Variants in NBAS observed in about 807,000 individuals in gnomAD.
NBAS encodes the protein NBAS subunit of NRZ tethering complex.
A neutral mutation model predicts 302.5 loss-of-function variants in NBAS; 219 were observed. The ratio of observed to expected loss-of-function variants is 0.72; its 90% CI spans 0.65 to 0.81. The LOEUF (loss-of-function observed/expected upper bound fraction) is 0.81. NBAS is among the 30% of genes least tolerant of loss of function. The pLI, the probability that NBAS is intolerant of heterozygous loss-of-function variation, is 0.00. For synonymous variants in NBAS, 1,118 were observed against 1,021.6 expected (o/e 1.09, Z -1.80); for missense variants, 2,932 against 2,841.6 (o/e 1.03, Z -0.72).
intron 21 of NBAS, among the ~76,000 whole-genome samples, chr2:15,440,691 G>C (rs146663859): frequency 0.013 from 1,925 of 152,270 alleles, 31 homozygotes; most frequent in East Asian, 0.06. Flanking sequence ...GAAGGCTTCA[G>C]ATGATCCAAC....
At chr2:15,443,345 A>T (rs1248033806) in intron 21 of NBAS, among the ~76,000 whole-genome samples, 3 of 151,738 alleles carry the variant, frequency 2.0e-5, no homozygotes, top group African/African-American at 7.3e-5. Flanking sequence ...AGGCTGGTTC[A>T]ATATACGCAA....
chr2:15,330,534 A>G, intron 36 of NBAS, 64 bp downstream of exon 36: 1 of 1,598,004 alleles, frequency 6.3e-7, no homozygotes, highest in Non-Finnish European at 8.6e-7. Flanking sequence ...AAACAACTGA[A>G]ACATTGCTAA....
intron 21 of NBAS, among the ~76,000 whole-genome samples, chr2:15,444,091 T>C (rs376648231): frequency 2.0e-5 from 3 of 151,724 alleles, no homozygotes; most frequent in Non-Finnish European, 2.9e-5. Context: ...AGGTAATTTA[T>C]AGATTCAATG....
intron 23 of NBAS, among the ~76,000 whole-genome samples, chr2:15,422,540 G>A (rs1363422348): frequency 6.6e-6 from 1 of 151,050 alleles, no homozygotes; most frequent in Non-Finnish European, 1.5e-5. Flanking sequence ...TAACAAAATA[G>A]TTGATTGTAA....
chr2:15,334,434 C>T (rs961848216), intron 35 of NBAS, among the ~76,000 whole-genome samples: 6 of 152,014 alleles, frequency 3.9e-5, no homozygotes, highest in Admixed American at 1.3e-4. Context: ...ATGATCCGCC[C>T]GCCTCGGCCT....
the NBAS span, among the ~76,000 whole-genome samples, chr2:14,814,570 C>A: frequency 6.6e-6 from 1 of 152,174 alleles, no homozygotes; most frequent in Non-Finnish European, 1.5e-5. Context: ...AGAACAGGAG[C>A]ATTTACCTAA....
Position 15,300,827 on chromosome 2 carries a change from G to A in NBAS, c.4797+7389C>T, listed in dbSNP as rs371347093. Reference sequence around the variant, plus strand: ...AGGCCAAGTAAGTTTCAGAGGAGGCGCCTCTGAGCTCAGACTTGCCTGCCC... The same window carrying A: ...AGGCCAAGTAAGTTTCAGAGGAGGCACCTCTGAGCTCAGACTTGCCTGCCC... On this transcript the variant is annotated intron_variant, in intron 40 of 51. Transcript: ENST00000281513. Among the ~76,000 whole-genome samples the A allele has an allele frequency of 5.3e-5, 8 of 152,292 alleles. No homozygotes were observed. In the East Asian group the frequency reaches 9.7e-4, roughly 18 times the overall value.
chr2:15,195,359 C>G (rs1304653653), intron 48 of NBAS, among the ~76,000 whole-genome samples: 3 of 152,280 alleles, frequency 2.0e-5, no homozygotes, highest in East Asian at 1.9e-4. Context: ...AACAAAGTCA[C>G]TCACAAAGGG....
the NBAS span, among the ~76,000 whole-genome samples, chr2:14,805,100 A>G: frequency 6.6e-6 from 1 of 152,202 alleles, no homozygotes; most frequent in Non-Finnish European, 1.5e-5. Context: ...CTGAGTCATT[A>G]TCCGCCACAG....
At chr2:15,309,116 G>A (rs1489150089) in intron 39 of NBAS, 55 bp downstream of exon 39, 13 of 1,414,324 alleles carry the variant, frequency 9.2e-6, no homozygotes, top group Admixed American at 8.6e-5. Flanking sequence ...AAAATTCACA[G>A]CATACATTTT....
At chr2:15,335,832 T>G (rs1020008970) in intron 35 of NBAS, among the ~76,000 whole-genome samples, 12 of 152,220 alleles carry the variant, frequency 7.9e-5, no homozygotes, top group African/African-American at 2.9e-4. Context: ...TAATTTTAAA[T>G]TAGTCCAATT....
At chr2:15,450,335 T>C (rs575060341) in intron 21 of NBAS, among the ~76,000 whole-genome samples, 76 of 152,296 alleles carry the variant, frequency 5.0e-4, no homozygotes, top group Admixed American at 5.0e-3. Context: ...TTGGATTAAA[T>C]ATACATTCAG....
the NBAS span, among the ~76,000 whole-genome samples, chr2:15,074,886 G>A: frequency 7.2e-5 from 11 of 152,288 alleles, no homozygotes; most frequent in African/African-American, 2.4e-4. Context: ...AACTCAGAGT[G>A]AAAAAATCCC....
chr2:15,497,798 G>C (rs1681123792), intron 11 of NBAS, among the ~76,000 whole-genome samples: 1 of 152,132 alleles, frequency 6.6e-6, no homozygotes, highest in African/African-American at 2.4e-5. Flanking sequence ...GCATCCCAAA[G>C]CCACAGAGCA....
chr2:14,804,718 C>A, the NBAS span, among the ~76,000 whole-genome samples: 1 of 152,028 alleles, frequency 6.6e-6, no homozygotes. Context: ...CAGGCTCTAA[C>A]AGAGATTTTC....
chr2:14,904,059 T>G, the NBAS span, among the ~76,000 whole-genome samples: 1 of 152,252 alleles, frequency 6.6e-6, no homozygotes, highest in African/African-American at 2.4e-5. Context: ...TCTCATTTTG[T>G]GTTTTCACAT....
At chr2:14,835,434 G>C in the NBAS span, among the ~76,000 whole-genome samples, 1 of 151,896 alleles carries the variant, frequency 6.6e-6, no homozygotes, top group Admixed American at 6.6e-5. Flanking sequence ...AGCATTCCCA[G>C]ATAGTCACCT....
At chr2:15,489,431 T>G (rs772642801) in intron 11 of NBAS, among the ~76,000 whole-genome samples, 1 of 152,110 alleles carries the variant, frequency 6.6e-6, no homozygotes, top group South Asian at 2.1e-4. Flanking sequence ...GTGTCTGAAG[T>G]ATGCTATATA....
At chr2:15,000,514 A>G in the NBAS span, among the ~76,000 whole-genome samples, 19 of 152,204 alleles carry the variant, frequency 1.2e-4, no homozygotes, top group Admixed American at 1.2e-3. Context: ...CCGAGAGTCT[A>G]GTCATAGATG....
Sources: gnomAD v4.1 joint callset for allele counts (sites outside exome capture counted in the v4.1 genomes callset) on GRCh38, gnomAD v4.1.1 for gene constraint, MANE v1.5 for transcripts, NCBI Gene and HGNC (gene_info 2026-07-23, HGNC 2026-07-21) for gene names.